The following LAMP1 variants were observed in gnomAD, a reference collection of about 807,000 sequenced individuals.
LAMP1 encodes the protein lysosome-associated membrane glycoprotein 1.
LAMP1 carries 7 observed loss-of-function variants against 37.5 expected under a neutral mutation model. That is an observed-to-expected ratio of 0.19 (90% CI 0.11 to 0.35). The LOEUF is 0.35. Among genes scored for constraint, LAMP1 ranks in the 10% least tolerant of loss-of-function variants. The pLI is 1.00. For synonymous variants in LAMP1, 236 were observed against 229.1 expected (o/e 1.03, Z -0.27); for missense variants, 537 against 552.8 (o/e 0.97, Z 0.29).
rs1461197582 is a variant in LAMP1, at chr13:113,321,502, C to T, written c.943+32C>T. On this transcript the variant is annotated intron_variant, in intron 7 of 8. Transcript: ENST00000332556. This position sits in a 1 kb window ranked among gnomAD's most constrained non-coding sequence, Gnocchi z 5.6. ...ACCCACAATCTCTGCGAGCCCCGCCCCCGCCCGCGCGCCCAGGGTATTCTG... is the reference window on the plus strand; with the variant it reads ...ACCCACAATCTCTGCGAGCCCCGCCTCCGCCCGCGCGCCCAGGGTATTCTG... 6.2e-7 allele frequency: 1 copy of T among 1,613,830 alleles called. No homozygotes were observed. Among genetic ancestry groups the T allele is most frequent in the Non-Finnish European group, 8.5e-7 (1 of 1,179,840 alleles).
intron 4 of LAMP1, among the ~76,000 whole-genome samples, chr13:113,318,394 C>T (rs542375729): frequency 4.6e-5 from 7 of 152,174 alleles, no homozygotes; most frequent in Admixed American, 3.3e-4. Flanking sequence ...GGGGCTCACG[C>T]GTGGTGACTC....
intron 3 of LAMP1, among the ~76,000 whole-genome samples, chr13:113,310,083 G>T (rs1322200250): frequency 6.6e-6 from 1 of 152,020 alleles, no homozygotes; most frequent in Non-Finnish European, 1.5e-5. Flanking sequence ...ACTAAAATTA[G>T]CCAGGTGTGG....
At chr13:113,319,700 G>A in intron 5 of LAMP1, 44 bp downstream of exon 5, 1 of 1,572,418 alleles carries the variant, frequency 6.4e-7, no homozygotes, top group Non-Finnish European at 8.7e-7. Context: ...GGCACGGTAG[G>A]GCTGGAGCCT....
rs1457367290 is a variant in LAMP1, at chr13:113,297,463, C to A, written c.29C>A (p.Pro10His). 1.6e-6 allele frequency: 2 copies of A among 1,213,466 alleles called. No homozygotes were observed. Among genetic ancestry groups the A allele is most frequent in the Non-Finnish European group, 2.1e-6 (2 of 962,776 alleles). 75.2% of individuals were successfully genotyped at this position (1,213,466 alleles called of 1,614,324 possible). The change falls in exon 1 of 9, where the codon CCC becomes CAC. Residue 10 changes from proline (P) to histidine (H), a missense_variant. Physicochemically the swap from Pro to His is moderately conservative, Grantham distance 77. Coordinates refer to ENST00000332556, the MANE Select transcript of LAMP1 (RefSeq NM_005561.4). The surrounding 1 kb of genome is among the most constrained non-coding windows in gnomAD (Gnocchi z 4.4). MAAPGSARR[P>H]LLLLLLLLLL... Reference sequence around the variant, plus strand: ...GCGGCCCCCGGCAGCGCCCGGCGACCCCTGCTGCTGCTACTGCTGTTGCTG... The same window carrying A: ...GCGGCCCCCGGCAGCGCCCGGCGACACCTGCTGCTGCTACTGCTGTTGCTG...
At chr13:113,309,529 T>TAG in intron 2 of LAMP1, 114 bp from the exon 3 acceptor site, 1 of 767,012 alleles carries the variant, frequency 1.3e-6, no homozygotes, top group Non-Finnish European at 2.1e-6. Flanking sequence ...TCAGTAGTGA[T>TAG]ATCTTAGTTG....
At chr13:113,308,556 C>G (rs138370572) in intron 2 of LAMP1, among the ~76,000 whole-genome samples, 187 of 151,928 alleles carry the variant, frequency 1.2e-3, no homozygotes, top group African/African-American at 4.3e-3. Flanking sequence ...AACTCCTGAC[C>G]TCAGGTGATC....
Position 113,321,058 on chromosome 13 carries a change from G to A in LAMP1, c.877-346G>A. On this transcript the variant is annotated intron_variant, in intron 6 of 8. Transcript: ENST00000332556. This position sits in a 1 kb window ranked among gnomAD's most constrained non-coding sequence, Gnocchi z 5.6. ...TAGCTGGGCGTAGTGGCGCACACCTGTGGTCCCAGCTACTTGGGAGGCTGA... is the reference window on the plus strand; with the variant it reads ...TAGCTGGGCGTAGTGGCGCACACCTATGGTCCCAGCTACTTGGGAGGCTGA... 3.0e-6 allele frequency: 1 copy of A among 336,516 alleles called. No homozygotes were observed. Among genetic ancestry groups the A allele is most frequent in the Non-Finnish European group, 5.7e-6 (1 of 175,928 alleles). 20.8% of individuals were successfully genotyped at this position (336,516 alleles called of 1,614,324 possible).
At chr13:113,316,752 G>A (rs2042667413) in intron 4 of LAMP1, among the ~76,000 whole-genome samples, 1 of 151,694 alleles carries the variant, frequency 6.6e-6, no homozygotes, top group Non-Finnish European at 1.5e-5. Context: ...TAGGAACAGA[G>A]TCTGACTCCT....
chr13:113,309,358 C>G (rs2042616993), intron 2 of LAMP1, among the ~76,000 whole-genome samples: 1 of 152,178 alleles, frequency 6.6e-6, no homozygotes. Flanking sequence ...ACCTCAGCCT[C>G]CCAGAGTGTT....
intron 4 of LAMP1, among the ~76,000 whole-genome samples, chr13:113,319,049 T>C (rs1167450795): frequency 2.0e-5 from 3 of 152,172 alleles, no homozygotes; most frequent in African/African-American, 7.2e-5. Flanking sequence ...CCATTTCCCA[T>C]GGGGTGAGGT....
Position 113,310,781 on chromosome 13 carries a change from C to T in LAMP1, c.476C>T (p.Thr159Ile). 1 of 1,613,500 alleles carries T rather than the reference C, an allele frequency of 6.2e-7. No individual in the cohort carries two copies. The highest frequency in any genetic ancestry group is 8.5e-7 in the Non-Finnish European group (1 of 1,179,728). ...IDKKYRCVSG[T>I]QVHMNNVTVT... ...AAAAAATACAGATGTGTTAGTGGCA[C>T]CCAGGTCCACATGAACAACGTGACC... Residue 159 changes from threonine (T) to isoleucine (I), a missense_variant, in exon 4 of 9, where the codon ACC becomes ATC. Transcript: ENST00000332556.
chr13:113,310,813 C>G lies in LAMP1; in HGVS notation c.508C>G (p.Leu170Val). The change falls in exon 4 of 9, where the codon CTC (leucine) becomes GTC (valine). Residue 170 changes from leucine (L) to valine (V), a missense_variant. Physicochemically the swap from Leu to Val is conservative, Grantham distance 32. Transcript: ENST00000332556. The part of the protein sequence containing the change: ...QVHMNNVTVT[L>V]HDATIQAYLS... ...CCACATGAACAACGTGACCGTAACG[C>G]TCCATGATGCCACCATCCAGGCGTA... 6.2e-7 allele frequency: 1 copy of G among 1,613,870 alleles called. No homozygotes were observed. The highest frequency in any genetic ancestry group is 8.5e-7 in the Non-Finnish European group (1 of 1,179,940).
At chr13:113,317,296 G>A (rs139246374) in intron 4 of LAMP1, among the ~76,000 whole-genome samples, 5 of 152,280 alleles carry the variant, frequency 3.3e-5, no homozygotes, top group South Asian at 2.1e-4. Context: ...TGAGCTCTCC[G>A]TCACTGTCCT....
chr13:113,312,725 C>T (rs567004749), intron 4 of LAMP1, among the ~76,000 whole-genome samples: 276 of 152,334 alleles, frequency 1.8e-3, no homozygotes, highest in African/African-American at 6.4e-3. Flanking sequence ...GTGTCTGCTT[C>T]ATCAGGAAGA....
In LAMP1 at chr13:113,322,519, C is replaced by T. The variant is rs1448685715; in HGVS notation, c.*98C>T. 1.8e-6 allele frequency: 2 copies of T among 1,124,804 alleles called. No homozygotes were observed. Among genetic ancestry groups the T allele is most frequent in the African/African-American group, 3.1e-5 (2 of 64,294 alleles). 69.7% of individuals were successfully genotyped at this position (1,124,804 alleles called of 1,614,324 possible). On this transcript the variant is annotated 3_prime_UTR_variant, in exon 9 of 9. Coordinates refer to ENST00000332556, the MANE Select transcript of LAMP1 (RefSeq NM_005561.4). ...GAGGCACACTTTCTGGCAAACGTTT[C>T]TCAAATCTGCTTCATCCAATGTGAA...
chr13:113,316,098 A>G (rs1377664200), intron 4 of LAMP1, among the ~76,000 whole-genome samples: 5 of 152,056 alleles, frequency 3.3e-5, no homozygotes, highest in African/African-American at 7.2e-5. Context: ...GTGAGATTCC[A>G]TCTCAAAAAC....
intron 4 of LAMP1, among the ~76,000 whole-genome samples, chr13:113,317,696 C>CTTT (rs1223185402): frequency 2.2e-5 from 3 of 133,390 alleles, no homozygotes; most frequent in Non-Finnish European, 4.8e-5. Flanking sequence ...CGTGAAGCTG[C>CTTT]TTTTTTTTTT....
chr13:113,318,595 T>C (rs1221392470), intron 4 of LAMP1, among the ~76,000 whole-genome samples: 3 of 152,072 alleles, frequency 2.0e-5, no homozygotes, highest in Non-Finnish European at 2.9e-5. Flanking sequence ...ACTTTGAATA[T>C]AAATTTGTGT....
Position 113,323,630 on chromosome 13 carries a change from A to G in LAMP1, c.*1209A>G, listed in dbSNP as rs2042721305. On this transcript the variant is annotated 3_prime_UTR_variant, in exon 9 of 9. Transcript: ENST00000332556. ...CAGTTGTCTGGTTCATTCATGTAAC[A>G]TGATAATTTTTAAATCATTAAAAAA... 1.3e-5 allele frequency: 2 copies of G among 152,176 alleles called. No individual in the cohort carries two copies. The highest frequency in any genetic ancestry group is 2.4e-5 in the African/African-American group (1 of 41,520). 9.4% of individuals were successfully genotyped at this position (152,176 alleles called of 1,614,324 possible).
Sources: gnomAD v4.1 joint callset for allele counts (sites outside exome capture counted in the v4.1 genomes callset) on GRCh38, gnomAD v4.1.1 for gene constraint, Gnocchi (gnomAD v3.1) non-coding constraint, MANE v1.5 for transcripts, NCBI Gene and HGNC (gene_info 2026-07-23, HGNC 2026-07-21) for gene names.